EMC10: variants seen among roughly 807,000 people sequenced by gnomAD.
EMC10 encodes ER membrane protein complex subunit 10, also known as UPF0510 protein INM02.
Under a neutral mutation model 32.2 loss-of-function variants are expected in EMC10, and 40 were observed. That is an observed-to-expected ratio of 1.24 (90% confidence interval 0.96 to 1.61). The LOEUF (loss-of-function observed/expected upper bound fraction) is 1.61. Ranked by LOEUF, EMC10 falls within the 40% of genes most tolerant of loss-of-function variation. EMC10 has a pLI of 0.00. For missense variants in EMC10, 402 were observed against 357.7 expected (o/e 1.12, Z -1.00); for synonymous variants, 178 against 158.4 (o/e 1.12, Z -0.93).
At position 50,483,243 on chromosome 19, in the gene EMC10, T is replaced by TAC; in HGVS notation, c.*985_*986dup. The TAC allele has an allele frequency of 2.5e-6, 1 of 405,402 alleles. No individual in the cohort carries two copies. Among genetic ancestry groups the TAC allele is most frequent in the Middle Eastern group, 3.5e-4 (1 of 2,832 alleles). 25.1% of individuals were successfully genotyped at this position (405,402 alleles called of 1,614,324 possible). On this transcript the variant is annotated 3_prime_UTR_variant, in exon 7 of 7. Transcript: ENST00000334976. The stretch of plus-strand genomic sequence containing the variant: ...TGATTGAAATTCACTGCTCACTTGA[T>TAC]ACGTTATTCAGAAACCCAAGGAATG...
Position 50,481,078 on chromosome 19 carries a change from C to T in EMC10, c.678+101C>T, listed in dbSNP as rs1452985193. 4 of 883,196 alleles carry T rather than the reference C, an allele frequency of 4.5e-6. No homozygotes were observed. In the East Asian group the frequency reaches 1.1e-4, roughly 23 times the overall value. The allele number at this position is 883,196 out of a possible 1,614,324, so 54.7% of individuals were successfully genotyped here. On this transcript the variant is annotated intron_variant, in intron 6 of 6. Coordinates refer to ENST00000334976, the MANE Select transcript of EMC10 (RefSeq NM_206538.4). ...CCCAGACTCCCCTATGGTGCTCGGG[C>T]CTGCTCCTTGTCCTCCGGGCCTCCT...
chr19:50,479,163 C>G, intron 3 of EMC10, 97 bp downstream of exon 3: 2 of 973,462 alleles, frequency 2.1e-6, no homozygotes, highest in Non-Finnish European at 3.1e-6. Flanking sequence ...GCCTTCCCTC[C>G]AGGCCCAGGT....
chr19:50,481,779 C>T, intron 6 of EMC10: 1 of 1,276,422 alleles, frequency 7.8e-7, no homozygotes, highest in South Asian at 1.5e-5. Context: ...CTGCTGCCCA[C>T]TCGAGCGCCC....
In EMC10 at chr19:50,483,693, C is replaced by T. The variant is rs2040357391; in HGVS notation, c.*1434C>T. 1.3e-5 allele frequency: 2 copies of T among 152,486 alleles called. No individual in the cohort carries two copies. Among genetic ancestry groups the T allele is most frequent in the Admixed American group, 1.3e-4 (2 of 15,278 alleles). The allele number at this position is 152,486 out of a possible 1,614,324, so 9.4% of individuals were successfully genotyped here. A position where few individuals can be genotyped will look rare whatever the true frequency, so the allele number is the denominator to read the frequency against. On this transcript the variant is annotated 3_prime_UTR_variant, in exon 7 of 7. Coordinates refer to ENST00000334976, the MANE Select transcript of EMC10 (RefSeq NM_206538.4). ...TCTCCCACCTCAGCCTCCTGAGTAG[C>T]TGGAATTGTAGGCGTGCACCACCAC...
chr19:50,486,511 A>C lies in EMC10; in HGVS notation c.*4252A>C, dbSNP rs890866788. 4.6e-5 allele frequency: 7 copies of C among 152,112 alleles called. No individual in the cohort carries two copies. The highest frequency in any genetic ancestry group is 1.7e-4 in the African/African-American group (7 of 41,422). 9.4% of individuals were successfully genotyped at this position (152,112 alleles called of 1,614,324 possible). On this transcript the variant is annotated 3_prime_UTR_variant, in exon 7 of 7. Transcript: ENST00000334976. ...TCTGTAGGCTTCTTTAACCCATCAG[A>C]GAGACTCCCTGGTAAGGATTAGGGG... is the stretch of plus-strand genomic sequence containing the variant.
At position 50,480,371 on chromosome 19, in the gene EMC10, G is replaced by T. The variant is rs2040298402; in HGVS notation, c.402+156G>T. ...GCCTTCCGAGGCCTCCTGGTCTGGA[G>T]GGGTCGGTCCAGGTAGCGGGTGCTT... is the stretch of plus-strand genomic sequence containing the variant. On this transcript the variant is annotated intron_variant, in intron 4 of 6. Coordinates refer to ENST00000334976, the MANE Select transcript of EMC10 (RefSeq NM_206538.4). The surrounding 1 kb of genome is among the most constrained non-coding windows in gnomAD (Gnocchi z 4.4). 6.6e-6 allele frequency among the ~76,000 whole-genome samples: 1 copy of T among 152,228 alleles called. No individual in the cohort carries two copies. Among genetic ancestry groups the T allele is most frequent in the African/African-American group, 2.4e-5 (1 of 41,460 alleles).
In EMC10 at chr19:50,486,081, A is replaced by G. The variant is rs1978342260; in HGVS notation, c.*3822A>G. On this transcript the variant is annotated 3_prime_UTR_variant, in exon 7 of 7. Transcript: ENST00000334976. ...TTAGGTGCTCCCAGTACATAGTTGC[A>G]TGGCAAACAATCCTAAAATATACAA... 6.6e-6 allele frequency: 1 copy of G among 152,190 alleles called. No individual in the cohort carries two copies. Among genetic ancestry groups the G allele is most frequent in the African/African-American group, 2.4e-5 (1 of 41,440 alleles). 9.4% of individuals were successfully genotyped at this position (152,190 alleles called of 1,614,324 possible).
Position 50,476,661 on chromosome 19 carries a change from G to A in EMC10, c.114+3G>A. On this transcript the variant is annotated splice_donor_region_variant and intron_variant, in intron 1 of 6. Transcript: ENST00000334976. ...GGGCCGGGACTGGTGCGCGAGGGGT[G>A]AGTGCTCTTTAGCTGTGCATAGCGG... The A allele has an allele frequency of 6.6e-7, 1 of 1,517,346 alleles. No individual in the cohort carries two copies. The highest frequency in any genetic ancestry group is 8.8e-7 in the Non-Finnish European group (1 of 1,136,554). The allele number at this position is 1,517,346 out of a possible 1,614,324, so 94.0% of individuals were successfully genotyped here.
In EMC10 at chr19:50,489,958, G is replaced by C. The variant is rs1053238725; in HGVS notation, c.*7699G>C. 1 of 152,278 alleles carries C rather than the reference G, an allele frequency of 6.6e-6. No homozygotes were observed. The highest frequency in any genetic ancestry group is 2.4e-5 in the African/African-American group (1 of 41,354). 9.4% of individuals were successfully genotyped at this position (152,278 alleles called of 1,614,324 possible). On this transcript the variant is annotated 3_prime_UTR_variant, in exon 7 of 7. Coordinates refer to ENST00000334976, the MANE Select transcript of EMC10 (RefSeq NM_206538.4). ...ATGAGAGAAGCAACAGGCGGGGTGCGTGTAGGAGGGCGGGAGAGCCAATGA... is the reference window on the plus strand; with the variant it reads ...ATGAGAGAAGCAACAGGCGGGGTGCCTGTAGGAGGGCGGGAGAGCCAATGA...
In EMC10 at chr19:50,486,107, G is replaced by A. The variant is rs976389590; in HGVS notation, c.*3848G>A. On this transcript the variant is annotated 3_prime_UTR_variant, in exon 7 of 7. Coordinates refer to ENST00000334976, the MANE Select transcript of EMC10 (RefSeq NM_206538.4). Reference sequence around the variant, plus strand: ...TGGCAAACAATCCTAAAATATACAAGACTACATTTAGTATTTTGTAAAATT... The same window carrying A: ...TGGCAAACAATCCTAAAATATACAAAACTACATTTAGTATTTTGTAAAATT... 1 of 152,130 alleles carries A rather than the reference G, an allele frequency of 6.6e-6. No homozygotes were observed. The highest frequency in any genetic ancestry group is 1.9e-4 in the East Asian group (1 of 5,200). 9.4% of individuals were successfully genotyped at this position (152,130 alleles called of 1,614,324 possible).
At position 50,476,518 on chromosome 19, in the gene EMC10, T is replaced by TC; in HGVS notation, c.-24dup. ...CTCCGCGGCTCTTGGCTCACAGCCG[T>TC]CCCTTCGCTGGTGGGAAGAAGCCGA... On this transcript the variant is annotated 5_prime_UTR_variant, in exon 1 of 7. Transcript: ENST00000334976. The TC allele has an allele frequency of 1.6e-5, 25 of 1,569,216 alleles. No homozygotes were observed. Among genetic ancestry groups the TC allele is most frequent in the Non-Finnish European group, 2.1e-5 (25 of 1,163,134 alleles).
rs1199258160 is a variant in EMC10, at chr19:50,487,403, C to T, written c.*5144C>T. On this transcript the variant is annotated 3_prime_UTR_variant, in exon 7 of 7. Coordinates refer to ENST00000334976, the MANE Select transcript of EMC10 (RefSeq NM_206538.4). ...TCCCTGCTCCTTACGTGCTGTGTAT[C>T]TTTAGGCAAGTTGCTTCCTGTCTCT... 1 of 152,352 alleles carries T rather than the reference C, an allele frequency of 6.6e-6. No homozygotes were observed. The highest frequency in any genetic ancestry group is 2.4e-5 in the African/African-American group (1 of 41,448). The allele number at this position is 152,352 out of a possible 1,614,324, so 9.4% of individuals were successfully genotyped here.
At position 50,480,104 on chromosome 19, in the gene EMC10, T is replaced by C. The variant is rs754783006; in HGVS notation, c.298-7T>C. On this transcript the variant is annotated splice_polypyrimidine_tract_variant and splice_region_variant and intron_variant, in intron 3 of 6. Coordinates refer to ENST00000334976, the MANE Select transcript of EMC10 (RefSeq NM_206538.4). The surrounding 1 kb of genome is among the most constrained non-coding windows in gnomAD (Gnocchi z 4.4). ...TTCTGACCAGCACCCTCTTCTCCCATCCCCAGGATGTGGCAGCCCTGAATG... is the reference window on the plus strand; with the variant it reads ...TTCTGACCAGCACCCTCTTCTCCCACCCCCAGGATGTGGCAGCCCTGAATG... The C allele has an allele frequency of 1.9e-6, 3 of 1,604,906 alleles. No individual in the cohort carries two copies. The African/African-American group carries it at 4.0e-5, about 21-fold the overall frequency.
rs180835936 is a variant in EMC10 at position 50,481,665 on chromosome 19, A to C, written c.679-484A>C. The C allele has an allele frequency of 1.5e-4, 88 of 575,250 alleles. No individual in the cohort carries two copies. The African/African-American group carries it at 1.6e-3, about 10-fold the overall frequency. 35.6% of individuals were successfully genotyped at this position (575,250 alleles called of 1,614,324 possible). A position where few individuals can be genotyped will look rare whatever the true frequency, so the allele number is the denominator to read the frequency against. On this transcript the variant is annotated intron_variant, in intron 6 of 6. Coordinates refer to ENST00000334976, the MANE Select transcript of EMC10 (RefSeq NM_206538.4). The stretch of plus-strand genomic sequence containing the variant: ...GGGATGGCTGAGCCCTGCTGTGCTG[A>C]GTGCCCTGCCTGAGGGCCTCACCCG...
intron 6 of EMC10, 52 bp from the exon 7 acceptor site, chr19:50,482,097 C>T (rs773363526): frequency 3.6e-6 from 5 of 1,389,960 alleles, no homozygotes; most frequent in South Asian, 2.3e-5. Context: ...CACCTCCTTC[C>T]CCTCTCTCTC....
intron 6 of EMC10, chr19:50,481,454 C>T (rs939495257): frequency 3.0e-5 from 7 of 235,562 alleles, no homozygotes; most frequent in African/African-American, 4.6e-5. Context: ...GTCTGAGTCC[C>T]GGGGGCTTAG....
In EMC10 at chr19:50,480,464, G is replaced by C; in HGVS notation, c.403-117G>C. On this transcript the variant is annotated intron_variant, in intron 4 of 6. Coordinates refer to ENST00000334976, the MANE Select transcript of EMC10 (RefSeq NM_206538.4). The surrounding 1 kb of genome is among the most constrained non-coding windows in gnomAD (Gnocchi z 4.4). ...TGAACTTGGGCCTGAGGGTAACAGG[G>C]AGCCATGGGAAGGTTTTGAAAAATG... 1 of 1,255,340 alleles carries C rather than the reference G, an allele frequency of 8.0e-7. No homozygotes were observed. The highest frequency in any genetic ancestry group is 1.1e-6 in the Non-Finnish European group (1 of 910,598). The allele number at this position is 1,255,340 out of a possible 1,614,324, so 77.8% of individuals were successfully genotyped here. A position where few individuals can be genotyped will look rare whatever the true frequency, so the allele number is the denominator to read the frequency against.
chr19:50,478,786 A>C (rs2040270599), intron 2 of EMC10, among the ~76,000 whole-genome samples, 171 bp from the exon 3 acceptor site: 1 of 152,106 alleles, frequency 6.6e-6, no homozygotes, highest in Non-Finnish European at 1.5e-5. Context: ...GAGGTGGAAC[A>C]TGGTGGAGGT....
rs1978572628 is a variant in EMC10 at position 50,490,323 on chromosome 19, T to G, written c.*8064T>G. Reference sequence around the variant, plus strand: ...AGAGACGGGGTTTCACCATTTTGGCTAGGCTGGTCTCGAATTCCTGACCTC... The same window carrying G: ...AGAGACGGGGTTTCACCATTTTGGCGAGGCTGGTCTCGAATTCCTGACCTC... On this transcript the variant is annotated 3_prime_UTR_variant, in exon 7 of 7. Transcript: ENST00000334976. 1 of 152,126 alleles carries G rather than the reference T, an allele frequency of 6.6e-6. No homozygotes were observed. Among genetic ancestry groups the G allele is most frequent in the Admixed American group, 6.6e-5 (1 of 15,254 alleles). The allele number at this position is 152,126 out of a possible 1,614,324, so 9.4% of individuals were successfully genotyped here. A position where few individuals can be genotyped will look rare whatever the true frequency, so the allele number is the denominator to read the frequency against.
Sources: allele counts gnomAD v4.1 joint callset (sites outside exome capture counted in the v4.1 genomes callset), GRCh38; gene constraint gnomAD v4.1.1; non-coding constraint Gnocchi (gnomAD v3.1); transcripts MANE v1.5; gene names NCBI Gene and HGNC (gene_info 2026-07-23, HGNC 2026-07-21).